DNAH8: variants seen among roughly 807,000 people sequenced by gnomAD.
DNAH8 encodes the protein axonemal beta dynein heavy chain 8.
Under a neutral mutation model 562.1 loss-of-function variants are expected in DNAH8, and 382 were observed. The ratio of observed to expected loss-of-function variants is 0.68; its 90% CI spans 0.63 to 0.74. The LOEUF is 0.74. Ranked by LOEUF, DNAH8 falls within the 30% of genes least tolerant of loss-of-function variation. The pLI, the probability that DNAH8 is intolerant of heterozygous loss-of-function variation, is 0.00. For missense variants in DNAH8, 5,203 were observed against 5,620.4 expected (o/e 0.93, Z 2.37); for synonymous variants, 1,881 against 1,919.4 (o/e 0.98, Z 0.52).
chr6:38,975,015 C>G lies in DNAH8; in HGVS notation c.12834+486C>G, dbSNP rs75750795. 7.2e-4 allele frequency among the ~76,000 whole-genome samples: 110 copies of G among 152,272 alleles called. 1 individual carries two copies. In the East Asian group the frequency reaches 0.019, roughly 26 times the overall value. On this transcript the variant is annotated intron_variant, in intron 85 of 92. Coordinates refer to ENST00000327475, the MANE Select transcript of DNAH8 (RefSeq NM_001206927.2). ...AATGTGGTTGCTAGGATTGGCTGAA[C>G]TAGGATTGGCTGGCTCTGATTTATG...
At chr6:38,806,354 C>T (rs961634044) in intron 23 of DNAH8, among the ~76,000 whole-genome samples, 2 of 152,140 alleles carry the variant, frequency 1.3e-5, no homozygotes, top group Admixed American at 1.3e-4. Context: ...GATGATATTG[C>T]CAGATAATTG....
rs1777195042 is a variant in DNAH8, at chr6:38,868,100, A to G, written c.6732A>G (p.Val2244=). The G allele has an allele frequency of 6.2e-7, 1 of 1,613,738 alleles. No individual in the cohort carries two copies. Among genetic ancestry groups the G allele is most frequent in the Non-Finnish European group, 8.5e-7 (1 of 1,179,814 alleles). Residue 2244 remains valine, a synonymous_variant, in exon 48 of 93, where the codon GTA becomes GTG. Coordinates refer to ENST00000327475, the MANE Select transcript of DNAH8 (RefSeq NM_001206927.2). The part of the protein sequence containing the change: ...YDFGLRNILS[V]LRTLGSQKRA... ...TTGGATTGAGAAATATTCTGTCTGT[A>G]TTGAGGACTCTTGGATCTCAAAAAA...
At chr6:38,924,694 T>C (rs1781972300) in intron 73 of DNAH8, among the ~76,000 whole-genome samples, 1 of 152,212 alleles carries the variant, frequency 6.6e-6, no homozygotes, top group South Asian at 2.1e-4. Flanking sequence ...ATTTGAGAGA[T>C]ATCAGCTTGC....
intron 12 of DNAH8, among the ~76,000 whole-genome samples, chr6:38,773,897 G>C (rs1431657912): frequency 2.6e-5 from 4 of 152,146 alleles, no homozygotes; most frequent in Non-Finnish European, 4.4e-5. Flanking sequence ...TTCGAAGTTG[G>C]AATGACCAAG....
intron 21 of DNAH8, among the ~76,000 whole-genome samples, chr6:38,794,214 A>G (rs1272466338): frequency 6.6e-6 from 1 of 152,028 alleles, no homozygotes; most frequent in Non-Finnish European, 1.5e-5. Flanking sequence ...TCTTTCCCTG[A>G]GGGCCTAGCC....
chr6:39,017,396 C>A (rs897751842), intron 91 of DNAH8, among the ~76,000 whole-genome samples: 1 of 151,916 alleles, frequency 6.6e-6, no homozygotes, highest in African/African-American at 2.4e-5. Context: ...TCGTAATGAG[C>A]CTGACTTCAG....
intron 88 of DNAH8, among the ~76,000 whole-genome samples, chr6:38,999,198 G>A (rs577675977): frequency 3.2e-4 from 49 of 152,252 alleles, no homozygotes; most frequent in Non-Finnish European, 4.6e-4. Flanking sequence ...GATTTATTAG[G>A]TGGGATCTAG....
chr6:38,983,750 A>G (rs1475597090), intron 86 of DNAH8, among the ~76,000 whole-genome samples: 1 of 152,198 alleles, frequency 6.6e-6, no homozygotes, highest in Non-Finnish European at 1.5e-5. Context: ...TGCATTGAGG[A>G]AAAATCTTGT....
intron 82 of DNAH8, among the ~76,000 whole-genome samples, chr6:38,956,117 C>G (rs1762225919): frequency 6.6e-6 from 1 of 152,216 alleles, no homozygotes; most frequent in South Asian, 2.1e-4. Flanking sequence ...CAACCACCCT[C>G]AGCTGAGGTC....
At chr6:38,788,450 T>C (rs1467945961) in intron 18 of DNAH8, among the ~76,000 whole-genome samples, 3 of 152,084 alleles carry the variant, frequency 2.0e-5, no homozygotes, top group Non-Finnish European at 4.4e-5. Context: ...GCGCCCGGCC[T>C]ATTGTTTGTC....
intron 30 of DNAH8, among the ~76,000 whole-genome samples, chr6:38,828,761 C>T (rs1173105636): frequency 6.6e-6 from 1 of 152,138 alleles, no homozygotes; most frequent in South Asian, 2.1e-4. Context: ...TAAAGTTTAC[C>T]ATTTTAAAGC....
At chr6:38,849,402 G>A (rs1452282999) in intron 37 of DNAH8, among the ~76,000 whole-genome samples, 1 of 152,040 alleles carries the variant, frequency 6.6e-6, no homozygotes, top group Non-Finnish European at 1.5e-5. Context: ...CTTTAAAACA[G>A]CTCTATTGGG....
intron 88 of DNAH8, among the ~76,000 whole-genome samples, chr6:39,005,163 G>A (rs771804312): frequency 3.3e-5 from 5 of 152,180 alleles, no homozygotes; most frequent in Non-Finnish European, 7.4e-5. Flanking sequence ...TGTAATCCCA[G>A]CACTTTGGGA....
chr6:38,790,091 A>AT (rs2127654885), intron 19 of DNAH8, among the ~76,000 whole-genome samples, 198 bp from the exon 20 acceptor site: 1 of 151,818 alleles, frequency 6.6e-6, no homozygotes, highest in African/African-American at 2.4e-5. Flanking sequence ...AATCATGAGC[A>AT]TTTTTTCTGA....
chr6:38,913,251 A>G (rs1219520726), intron 66 of DNAH8, among the ~76,000 whole-genome samples: 1 of 152,208 alleles, frequency 6.6e-6, no homozygotes, highest in Non-Finnish European at 1.5e-5. Flanking sequence ...AAATTGGACA[A>G]TATACAGATG....
Position 38,923,139 on chromosome 6 carries a change from A to G in DNAH8, c.10744A>G (p.Ile3582Val), listed in dbSNP as rs1781849307. ...TLIDGLSGEK[I>V]RWTQQSKEFK... ...CATCGATGGGCTGAGTGGAGAAAAA[A>G]TCCGGTGGACCCAGCAAAGTAAAGA... Residue 3582 changes from isoleucine (I) to valine (V), a missense_variant, in exon 72 of 93, where the codon ATC becomes GTC. Physicochemically the swap from Ile to Val is conservative, Grantham distance 29. Transcript: ENST00000327475. 6.2e-7 allele frequency: 1 copy of G among 1,613,808 alleles called. No individual in the cohort carries two copies. The highest frequency in any genetic ancestry group is 1.3e-5 in the African/African-American group (1 of 75,036).
At chr6:38,779,911 G>C (rs1768415357) in intron 14 of DNAH8, 55 bp from the exon 15 acceptor site, 1 of 1,487,034 alleles carries the variant, frequency 6.7e-7, no homozygotes, top group Admixed American at 1.7e-5. Flanking sequence ...ATGACAGCAA[G>C]TCTTAAGTAT....
intron 22 of DNAH8, among the ~76,000 whole-genome samples, chr6:38,804,920 G>A (rs1583051129): frequency 2.1e-5 from 1 of 48,402 alleles, no homozygotes; most frequent in Non-Finnish European, 4.8e-5. Flanking sequence ...GGGGGTGGCC[G>A]GGGGGGAGGG....
At chr6:38,842,312 A>G in intron 33 of DNAH8, 56 bp from the exon 34 acceptor site, 1 of 1,431,540 alleles carries the variant, frequency 7.0e-7, no homozygotes, top group Non-Finnish European at 9.6e-7. Flanking sequence ...CTTTCCAATA[A>G]TGGACTTTAT....
Sources: gnomAD v4.1 joint callset for allele counts (sites outside exome capture counted in the v4.1 genomes callset) on GRCh38, gnomAD v4.1.1 for gene constraint, MANE v1.5 for transcripts, NCBI Gene and HGNC (gene_info 2026-07-23, HGNC 2026-07-21) for gene names.